Variants in IL9R observed in about 807,000 individuals in gnomAD.
IL9R encodes the protein interleukin-9 receptor.
A neutral mutation model predicts 56.3 loss-of-function variants in IL9R; 54 were observed. That is an observed-to-expected ratio of 0.96 (90% confidence interval 0.77 to 1.20). IL9R has a LOEUF of 1.20. Among genes scored for constraint, IL9R ranks in the 50% most tolerant of loss-of-function variants. IL9R has a pLI of 0.00. For missense variants in IL9R, 545 were observed against 629.8 expected (o/e 0.87, Z 1.44); for synonymous variants, 212 against 250.2 (o/e 0.85, Z 1.44).
At chrX:156,009,594 G>A (rs2068352718) in intron 8 of IL9R, among the ~76,000 whole-genome samples, 1 of 142,358 alleles carries the variant, frequency 7.0e-6, no homozygotes, top group South Asian at 2.3e-4. Context: ...GAGTGCTGAG[G>A]AGCCTGAAGG....
intron 8 of IL9R, among the ~76,000 whole-genome samples, chrX:156,009,133 GTGTGTT>G (rs1438333771): frequency 1.9e-3 from 289 of 149,366 alleles, no homozygotes; most frequent in South Asian, 6.9e-3. Context: ...ATGTTTGTGT[GTGTGTT>G]TGTGTGTGTG....
intron 8 of IL9R, among the ~76,000 whole-genome samples, chrX:156,009,072 T>G (rs1357466255): frequency 4.0e-5 from 6 of 149,990 alleles, no homozygotes; most frequent in Non-Finnish European, 5.9e-5. Context: ...TGTGTGTGTG[T>G]CTGTGTGTGT....
At chrX:156,004,930 T>C (rs1170986014) in intron 5 of IL9R, among the ~76,000 whole-genome samples, 1 of 152,142 alleles carries the variant, frequency 6.6e-6, no homozygotes, top group Non-Finnish European at 1.5e-5. Context: ...AGTGTGCACA[T>C]GGGCATGCCT....
At chrX:155,998,744 A>G (rs761076297) in intron 1 of IL9R, among the ~76,000 whole-genome samples, 1 of 151,920 alleles carries the variant, frequency 6.6e-6, no homozygotes, top group South Asian at 2.1e-4. Context: ...ACATTTATCA[A>G]ACGGTTGAGT....
rs368398591 is a variant in IL9R at position 155,997,786 on chromosome X, A to T, written c.27A>T (p.Glu9Asp). ...TGGGACTGGGCAGATGCATCTGGGA[A>T]GGTGAGTCTGTGCTTTGGGCTTCCC... MGLGRCIWEGWTLESEALR... is the reference protein window; with the variant it reads MGLGRCIWDGWTLESEALR... The change falls in exon 1 of 9, where the codon GAA becomes GAT. Residue 9 changes from glutamate to aspartate, a missense_variant and splice_region_variant. By Grantham distance (45) the Glu-to-Asp change is conservative. Around this residue, in one of 2 missense-constraint regions of IL9R, gnomAD observed 431 missense variants for 360.0 expected, o/e 1.20. Transcript: ENST00000244174. The T allele has an allele frequency of 1.2e-6, 2 of 1,613,348 alleles. No individual in the cohort carries two copies. The highest frequency in any genetic ancestry group is 2.7e-5 in the African/African-American group (2 of 74,894).
At chrX:156,006,009 C>G in intron 6 of IL9R, 74 bp from the exon 7 acceptor site, 6 of 729,956 alleles carry the variant, frequency 8.2e-6, no homozygotes, top group Non-Finnish European at 1.4e-5. Flanking sequence ...AAGGGCGCAC[C>G]TTTGCCAGGT....
At chrX:156,003,101 C>A in intron 2 of IL9R, 82 bp downstream of exon 2, 1 of 1,572,902 alleles carries the variant, frequency 6.4e-7, no homozygotes, top group Non-Finnish European at 8.7e-7. Context: ...CGATGTCAAG[C>A]CTCTAGGGAA....
At chrX:155,999,862 A>G (rs2067393487) in intron 1 of IL9R, among the ~76,000 whole-genome samples, 1 of 152,166 alleles carries the variant, frequency 6.6e-6, no homozygotes, top group South Asian at 2.1e-4. Context: ...ATGTTGGCTC[A>G]TGCCTGACAT....
At chrX:156,008,501 G>T (rs1377927238) in intron 8 of IL9R, among the ~76,000 whole-genome samples, 1 of 152,180 alleles carries the variant, frequency 6.6e-6, no homozygotes, top group Non-Finnish European at 1.5e-5. Context: ...TTTCCCCAAG[G>T]TGGTAGATGT....
At chrX:156,006,485 C>G (rs781038316) in intron 7 of IL9R, among the ~76,000 whole-genome samples, 1 of 150,046 alleles carries the variant, frequency 6.7e-6, no homozygotes, top group East Asian at 2.0e-4. Context: ...CGACCAGACC[C>G]AGAGTCACCG....
intron 8 of IL9R, among the ~76,000 whole-genome samples, chrX:156,009,336 TTGTG>T (rs1208218710): frequency 1.2e-4 from 16 of 134,636 alleles, no homozygotes; most frequent in Non-Finnish European, 1.8e-4. Flanking sequence ...CTGTGTGTGT[TTGTG>T]TGTGTGTGTC....
chrX:156,003,639 T>G lies in IL9R; in HGVS notation c.255-38T>G, dbSNP rs373329568. On this transcript the variant is annotated intron_variant, in intron 3 of 8. Transcript: ENST00000244174. Reference sequence around the variant, plus strand: ...GATTGAAGCAGCTATGCCAGGACAGTGTAGCAGCCCCGTGGTGCTGACAAA... The same window carrying G: ...GATTGAAGCAGCTATGCCAGGACAGGGTAGCAGCCCCGTGGTGCTGACAAA... The G allele has an allele frequency of 2.0e-5, 33 of 1,612,128 alleles. No homozygotes were observed. In the African/African-American group the frequency reaches 3.9e-4, roughly 19 times the overall value.
At chrX:156,004,856 G>T (rs1463771778) in intron 5 of IL9R, among the ~76,000 whole-genome samples, 2 of 152,054 alleles carry the variant, frequency 1.3e-5, no homozygotes, top group Middle Eastern at 6.3e-3. Flanking sequence ...ATGTTTGTGT[G>T]CCCATGTTTG....
chrX:156,006,185 C>T lies in IL9R; in HGVS notation c.884C>T (p.Pro295Leu), dbSNP rs773445862. ...ACCTACCTCCTGTTCAAGCTGTCGCCCAGGTAGGTGGCTGATGTGTGCGTG... is the reference window on the plus strand; with the variant it reads ...ACCTACCTCCTGTTCAAGCTGTCGCTCAGGTAGGTGGCTGATGTGTGCGTG... ...GPTYLLFKLSPRVKRIFYQNV... is the reference protein window; with the variant it reads ...GPTYLLFKLSLRVKRIFYQNV... Residue 295 changes from proline to leucine, a missense_variant, in exon 7 of 9, where the codon CCC becomes CTC. Pro to Leu is a moderately conservative substitution (Grantham distance 98, BLOSUM62 -3). Around this residue, in one of 2 missense-constraint regions of IL9R, gnomAD observed 114 missense variants for 269.8 expected, o/e 0.42. Transcript: ENST00000244174. 4.0e-6 allele frequency: 5 copies of T among 1,240,086 alleles called. No homozygotes were observed. Among genetic ancestry groups the T allele is most frequent in the African/African-American group, 1.5e-5 (1 of 67,544 alleles). 76.8% of individuals were successfully genotyped at this position (1,240,086 alleles called of 1,614,324 possible). A position where few individuals can be genotyped will look rare whatever the true frequency, so the allele number is the denominator to read the frequency against.
chrX:155,998,133 G>C (rs966491029), intron 1 of IL9R, among the ~76,000 whole-genome samples: 3 of 152,056 alleles, frequency 2.0e-5, no homozygotes, highest in African/African-American at 7.2e-5. Context: ...CCTTTGTGGG[G>C]TGAGAATGGG....
Position 156,003,711 on chromosome X carries a change from T to C in IL9R, c.289T>C (p.Leu97=), listed in dbSNP as rs1304857875. The C allele has an allele frequency of 1.2e-6, 2 of 1,613,568 alleles. No individual in the cohort carries two copies. Among genetic ancestry groups the C allele is most frequent in the East Asian group, 4.5e-5 (2 of 44,886 alleles). ...TCCTGGCGGCACACATAAGTGCATC[T>C]TGCGGGGCAGTGAGTGCACCGTCGT... The part of the protein sequence containing the change: ...QAPGGTHKCI[L]RGSECTVVLP... Residue 97 remains leucine (L), a synonymous_variant, in exon 4 of 9, where the codon TTG becomes CTG. Coordinates refer to ENST00000244174, the MANE Select transcript of IL9R (RefSeq NM_002186.3).
At chrX:156,007,964 GA>G (rs1339650800) in intron 8 of IL9R, 1 of 290,550 alleles carries the variant, frequency 3.4e-6, no homozygotes, top group African/African-American at 3.1e-5. Context: ...TGGCCATGGG[GA>G]AGGGTCTGTG....
chrX:156,005,352 T>C lies in IL9R; in HGVS notation c.654T>C (p.Phe218=), dbSNP rs139010711. 2.6e-5 allele frequency: 42 copies of C among 1,612,562 alleles called. No homozygotes were observed. In the African/African-American group the frequency reaches 5.2e-4, roughly 20 times the overall value. ...ILEAFELDPG[F]IHEARLRVQM... Reference sequence around the variant, plus strand: ...AAGCCTTTGAGCTGGACCCTGGCTTTATCCATGAGGCCAGGCTGCGTGTCC... The same window carrying C: ...AAGCCTTTGAGCTGGACCCTGGCTTCATCCATGAGGCCAGGCTGCGTGTCC... Residue 218 remains phenylalanine, a synonymous_variant, in exon 6 of 9, where the codon TTT becomes TTC. Transcript: ENST00000244174.
rs777102000 is a variant in IL9R at position 156,005,374 on chromosome X, G to A, written c.676G>A (p.Val226Ile). The A allele has an allele frequency of 1.9e-6, 3 of 1,612,826 alleles. No homozygotes were observed. The highest frequency in any genetic ancestry group is 2.5e-6 in the Non-Finnish European group (3 of 1,179,786). The change falls in exon 6 of 9, where the codon GTC (valine) becomes ATC (isoleucine). Residue 226 changes from valine to isoleucine, a missense_variant. Val to Ile is a conservative substitution (Grantham distance 29). Around this residue, in one of 2 missense-constraint regions of IL9R, gnomAD observed 431 missense variants for 360.0 expected, o/e 1.20. Transcript: ENST00000244174. The part of the protein sequence containing the change: ...PGFIHEARLR[V>I]QMATLEDDVV... ...CTTTATCCATGAGGCCAGGCTGCGT[G>A]TCCAGATGGCCACACTGGAGGATGA...
Sources: gnomAD v4.1 joint callset for allele counts (sites outside exome capture counted in the v4.1 genomes callset) on GRCh38, gnomAD v4.1.1 for gene constraint, gnomAD v4.1.1 regional missense constraint, MANE v1.5 for transcripts, NCBI Gene and HGNC (gene_info 2026-07-23, HGNC 2026-07-21) for gene names.